The following SLC44A5 variants were observed in gnomAD, a reference collection of about 807,000 sequenced individuals.
The protein encoded by SLC44A5 is solute carrier family 44 member 5, also known as choline transporter-like protein 5.
In SLC44A5, 57 loss-of-function variants were observed where a neutral mutation model predicts 101.8. That is an observed-to-expected ratio of 0.56 (90% CI 0.45 to 0.70). The LOEUF (loss-of-function observed/expected upper bound fraction) is 0.70. Ranked by LOEUF, SLC44A5 falls within the 30% of genes least tolerant of loss-of-function variation. The pLI is 0.00. For synonymous variants in SLC44A5, 281 were observed against 290.9 expected (o/e 0.97, Z 0.35); for missense variants, 737 against 853.1 (o/e 0.86, Z 1.70).
chr1:75,483,805 A>T lies in SLC44A5; in HGVS notation c.13+57630T>A, dbSNP rs150180912. Reference sequence around the variant, plus strand: ...AGGAAAAGAGGTTTAATTGAATCACAGTTCCATATGGCTGGGGAGGCATCA... The same window carrying T: ...AGGAAAAGAGGTTTAATTGAATCACTGTTCCATATGGCTGGGGAGGCATCA... On this transcript the variant is annotated intron_variant, in intron 2 of 23. Coordinates refer to ENST00000370859, the MANE Select transcript of SLC44A5 (RefSeq NM_001130058.2). Among the ~76,000 whole-genome samples the T allele has an allele frequency of 6.6e-4, 100 of 152,336 alleles. 1 individual carries two copies. Among genetic ancestry groups the T allele is most frequent in the African/African-American group, 2.3e-3 (94 of 41,586 alleles).
chr1:75,276,678 CT>C (rs1651949240), intron 5 of SLC44A5, among the ~76,000 whole-genome samples: 1 of 152,114 alleles, frequency 6.6e-6, no homozygotes, highest in African/African-American at 2.4e-5. Flanking sequence ...ACTCAGTAAT[CT>C]TAGTTCTTGT....
At chr1:75,570,508 T>A (rs1025954231) in intron 1 of SLC44A5, among the ~76,000 whole-genome samples, 3 of 152,150 alleles carry the variant, frequency 2.0e-5, no homozygotes, top group Admixed American at 2.0e-4. Context: ...CAGTGAAACA[T>A]GAGGCTGAAG....
the SLC44A5 span, among the ~76,000 whole-genome samples, chr1:75,657,547 TAA>T: frequency 4.5e-5 from 6 of 132,868 alleles, no homozygotes; most frequent in Admixed American, 7.7e-5. Context: ...GACTCTTTCT[TAA>T]AAAAAAAAAA....
At chr1:75,296,929 C>T (rs1654011249) in intron 5 of SLC44A5, among the ~76,000 whole-genome samples, 1 of 152,168 alleles carries the variant, frequency 6.6e-6, no homozygotes, top group Non-Finnish European at 1.5e-5. Context: ...TGGGATCTCT[C>T]ATACAGTCAG....
the SLC44A5 span, among the ~76,000 whole-genome samples, chr1:75,696,027 T>C: frequency 6.6e-6 from 1 of 151,920 alleles, no homozygotes; most frequent in Non-Finnish European, 1.5e-5. Flanking sequence ...TCCACATTGG[T>C]ATTTGCATCA....
intron 2 of SLC44A5, among the ~76,000 whole-genome samples, chr1:75,412,194 A>G (rs949117131): frequency 1.3e-5 from 2 of 152,170 alleles, no homozygotes; most frequent in Admixed American, 6.6e-5. Context: ...TGCAAGGACT[A>G]TATCTTTTTT....
At chr1:75,323,842 T>G (rs1557663050) in intron 4 of SLC44A5, among the ~76,000 whole-genome samples, 1 of 152,192 alleles carries the variant, frequency 6.6e-6, no homozygotes, top group Non-Finnish European at 1.5e-5. Context: ...TATTTTGGGT[T>G]AAAAAATGGC....
chr1:75,329,836 A>C (rs1440295701), intron 4 of SLC44A5, among the ~76,000 whole-genome samples: 1 of 152,168 alleles, frequency 6.6e-6, no homozygotes, highest in African/African-American at 2.4e-5. Context: ...TCCTATTTTT[A>C]AGCCATTGCA....
chr1:75,651,575 T>C, the SLC44A5 span, among the ~76,000 whole-genome samples: 2 of 151,704 alleles, frequency 1.3e-5, no homozygotes, highest in Non-Finnish European at 2.9e-5. Flanking sequence ...TGGGTGTCTG[T>C]AGTCCCAGCT....
intron 18 of SLC44A5, among the ~76,000 whole-genome samples, chr1:75,217,037 T>C (rs1175756305): frequency 6.6e-6 from 1 of 152,104 alleles, no homozygotes; most frequent in Non-Finnish European, 1.5e-5. Context: ...TCCAATGTCA[T>C]GAAGCTTTCA....
In SLC44A5 at chr1:75,334,452, G is replaced by A. The variant is rs189738340; in HGVS notation, c.101+5130C>T. On this transcript the variant is annotated intron_variant, in intron 4 of 23. Coordinates refer to ENST00000370859, the MANE Select transcript of SLC44A5 (RefSeq NM_001130058.2). ...GATTATTAAAGCCTCAACTCAGGCA[G>A]TTGTCCTGGGAAAGCAGAGTTCTAA... Among the ~76,000 whole-genome samples, 616 of 152,300 alleles carry A rather than the reference G, an allele frequency of 4.0e-3. 4 individuals are homozygous for A. The highest frequency in any genetic ancestry group is 0.014 in the African/African-American group (586 of 41,570).
intron 3 of SLC44A5, among the ~76,000 whole-genome samples, chr1:75,372,108 A>T (rs1003608320): frequency 6.6e-6 from 1 of 151,288 alleles, no homozygotes; most frequent in African/African-American, 2.4e-5. Context: ...GACACAGGAG[A>T]ATTGCTTGAA....
chr1:75,204,283 GT>G (rs1292988717), intron 23 of SLC44A5, among the ~76,000 whole-genome samples: 3 of 151,954 alleles, frequency 2.0e-5, no homozygotes, highest in African/African-American at 7.3e-5. Flanking sequence ...CATTGCCCTG[GT>G]TTTTCACAGT....
intron 4 of SLC44A5, among the ~76,000 whole-genome samples, chr1:75,335,666 GTATCATCAA>G (rs2101017423): frequency 6.6e-6 from 1 of 152,304 alleles, no homozygotes; most frequent in Non-Finnish European, 1.5e-5. Context: ...TTGAATAAAT[GTATCATCAA>G]GCCTTGCTGG....
In SLC44A5 at chr1:75,390,245, A is replaced by G. The variant is rs139622662; in HGVS notation, c.52+6338T>C. On this transcript the variant is annotated intron_variant, in intron 3 of 23. Coordinates refer to ENST00000370859, the MANE Select transcript of SLC44A5 (RefSeq NM_001130058.2). ...ACCAGGTGTATAAAGAAGAGCTGGTACCAATCTTACTGAAACTATTCCAAA... is the reference window on the plus strand; with the variant it reads ...ACCAGGTGTATAAAGAAGAGCTGGTGCCAATCTTACTGAAACTATTCCAAA... Among the ~76,000 whole-genome samples the G allele has an allele frequency of 4.0e-3, 613 of 152,202 alleles. 3 individuals are homozygous for G. The highest frequency in any genetic ancestry group is 0.014 in the African/African-American group (569 of 41,548).
At chr1:75,468,587 T>C (rs1162774830) in intron 2 of SLC44A5, among the ~76,000 whole-genome samples, 1 of 152,182 alleles carries the variant, frequency 6.6e-6, no homozygotes, top group Admixed American at 6.5e-5. Flanking sequence ...AAACATTCCA[T>C]GTTCTCACTT....
chr1:75,439,235 C>A (rs1665056986), intron 2 of SLC44A5, among the ~76,000 whole-genome samples: 1 of 152,112 alleles, frequency 6.6e-6, no homozygotes, highest in African/African-American at 2.4e-5. Flanking sequence ...GATGACACAG[C>A]AAGAAGGCAC....
intron 2 of SLC44A5, among the ~76,000 whole-genome samples, chr1:75,517,387 A>G (rs1669893763): frequency 6.6e-6 from 1 of 152,100 alleles, no homozygotes. Context: ...CAGCTATACC[A>G]CTGAATTTAA....
intron 2 of SLC44A5, among the ~76,000 whole-genome samples, chr1:75,514,235 T>C (rs920813): frequency 0.69 from 105,705 of 152,106 alleles, 37,358 homozygotes; most frequent in East Asian, 0.96. Flanking sequence ...CCAAAAATTA[T>C]GAGCTAAGAC....
Sources: allele counts gnomAD v4.1 joint callset (sites outside exome capture counted in the v4.1 genomes callset), GRCh38; gene constraint gnomAD v4.1.1; transcripts MANE v1.5; gene names NCBI Gene and HGNC (gene_info 2026-07-23, HGNC 2026-07-21).